SEC16B: variants seen among roughly 807,000 people sequenced by gnomAD.
SEC16B encodes the protein protein transport protein Sec16B.
SEC16B carries 115 observed loss-of-function variants against 141.8 expected under a neutral mutation model. The observed-to-expected ratio is 0.81, with a 90% CI of 0.70 to 0.95. The LOEUF (loss-of-function observed/expected upper bound fraction) is 0.95. Ranked by LOEUF, SEC16B falls within the 40% of genes least tolerant of loss-of-function variation. The pLI, the probability that SEC16B is intolerant of heterozygous loss-of-function variation, is 0.00. For synonymous variants in SEC16B, 493 were observed against 492.5 expected, an observed-to-expected ratio of 1.00 and a Z score of -0.01; for missense variants, 1,291 against 1,312.3, an observed-to-expected ratio of 0.98 and a Z score of 0.25.
intron 17 of SEC16B, 71 bp downstream of exon 17, chr1:177,940,539 T>C (rs1651199826): frequency 1.8e-6 from 2 of 1,089,178 alleles, no homozygotes; most frequent in Non-Finnish European, 1.4e-6. Flanking sequence ...GCCTACCTGT[T>C]CCATGTCTAG....
Position 177,967,694 on chromosome 1 carries a change from C to A in SEC16B, c.288G>T (p.Gln96His). Residue 96 changes from glutamine (Q) to histidine (H), a missense_variant, in exon 2 of 26, where the codon CAG becomes CAT. By Grantham distance (24) the Gln-to-His change is conservative. Around this residue, in one of 3 missense-constraint regions of SEC16B, gnomAD observed 681 missense variants for 675.5 expected, o/e 1.01. Transcript: ENST00000308284. ...CCCTAAAGCCATACCTTGAATACAA[C>A]TGATTGCGATAACCACCTTCGTAAT... ...VDYYEGGYRN[Q>H]LYSRPGYENS... 1 of 1,599,340 alleles carries A rather than the reference C, an allele frequency of 6.3e-7. No homozygotes were observed. The highest frequency in any genetic ancestry group is 1.1e-5 in the South Asian group (1 of 89,242).
intron 15 of SEC16B, among the ~76,000 whole-genome samples, chr1:177,943,969 G>A (rs900472877): frequency 1.3e-5 from 2 of 152,192 alleles, no homozygotes; most frequent in South Asian, 2.1e-4. Context: ...AGGAGGACAC[G>A]ATGTCAGCAC....
At chr1:177,978,973 C>T (rs1211395715) in intron 1 of SEC16B, among the ~76,000 whole-genome samples, 1 of 152,060 alleles carries the variant, frequency 6.6e-6, no homozygotes, top group African/African-American at 2.4e-5. Context: ...TCATTATTTT[C>T]ATTACCCAGT....
In SEC16B at chr1:177,967,734, A is replaced by G. The variant is rs772885542; in HGVS notation, c.248T>C (p.Val83Ala). The change falls in exon 2 of 26, where the codon GTG becomes GCG. Residue 83 changes from valine to alanine, a missense_variant. Around this residue, in one of 3 missense-constraint regions of SEC16B, gnomAD observed 681 missense variants for 675.5 expected, o/e 1.01. Coordinates refer to ENST00000308284, the MANE Select transcript of SEC16B (RefSeq NM_033127.4). The part of the protein sequence containing the change: ...ASRPGDWHQP[V>A]SGVDYYEGGY... ...ACCTTCGTAATAGTCAACTCCAGACACAGGCTGATGCCAGTCCCCTGGCCT... is the reference window on the plus strand; with the variant it reads ...ACCTTCGTAATAGTCAACTCCAGACGCAGGCTGATGCCAGTCCCCTGGCCT... The G allele has an allele frequency of 1.6e-5, 26 of 1,613,166 alleles. No individual in the cohort carries two copies. The highest frequency in any genetic ancestry group is 2.0e-5 in the Non-Finnish European group (24 of 1,179,212).
upstream of SEC16B, among the ~76,000 whole-genome samples, chr1:177,973,625 G>C (rs1003661305): frequency 3.3e-5 from 5 of 152,110 alleles, no homozygotes; most frequent in Non-Finnish European, 7.4e-5. Flanking sequence ...TGCTTTTCTT[G>C]ATAGAGGTTG....
intron 1 of SEC16B, among the ~76,000 whole-genome samples, chr1:177,976,417 T>C (rs1320144341): frequency 6.6e-6 from 1 of 152,072 alleles, no homozygotes; most frequent in Non-Finnish European, 1.5e-5. Flanking sequence ...CTAAGTGAAG[T>C]AGGACTGGAA....
At chr1:177,976,279 C>T (rs1345589795) in intron 1 of SEC16B, among the ~76,000 whole-genome samples, 1 of 152,184 alleles carries the variant, frequency 6.6e-6, no homozygotes, top group Non-Finnish European at 1.5e-5. Flanking sequence ...GGCCCAACCT[C>T]CTCCTCTCTT....
At chr1:177,958,031 G>T in intron 10 of SEC16B, 101 bp downstream of exon 10, 1 of 730,304 alleles carries the variant, frequency 1.4e-6, no homozygotes, top group Non-Finnish European at 1.9e-6. Context: ...CATCCTCCCT[G>T]AAATGAGTAT....
At chr1:177,968,921 C>G (rs983232497) in intron 1 of SEC16B, among the ~76,000 whole-genome samples, 1 of 152,182 alleles carries the variant, frequency 6.6e-6, no homozygotes, top group South Asian at 2.1e-4. Context: ...TTTTCCCCCA[C>G]GTAATCCTGA....
chr1:177,953,023 G>A (rs1237454898), intron 11 of SEC16B, among the ~76,000 whole-genome samples: 1 of 51,542 alleles, frequency 1.9e-5, no homozygotes, highest in Admixed American at 2.0e-4. Context: ...TTTTTTTTTT[G>A]AGACCGAGTT....
At chr1:177,945,988 CAAAGAGGGACTAAACAT>C (rs1651672314) in intron 14 of SEC16B, 1 of 304,886 alleles carries the variant, frequency 3.3e-6, no homozygotes, top group African/African-American at 2.2e-5. Flanking sequence ...GCTAGGGCCC[CAAAGAGGGACTAAACAT>C]AAACTTCTTC....
intron 20 of SEC16B, among the ~76,000 whole-genome samples, chr1:177,935,401 G>A (rs1277895195): frequency 2.0e-5 from 3 of 152,104 alleles, no homozygotes; most frequent in Non-Finnish European, 2.9e-5. Flanking sequence ...ATTTATGAAT[G>A]ACATAGAAAA....
At chr1:177,977,327 CGAAGCAGT>C in intron 1 of SEC16B, among the ~76,000 whole-genome samples, 1 of 152,268 alleles carries the variant, frequency 6.6e-6, no homozygotes, top group African/African-American at 2.4e-5. Flanking sequence ...TCCCTGCAGG[CGAAGCAGT>C]GTCTAAGCCA....
At chr1:177,960,042 C>A in intron 8 of SEC16B, 1 of 375,364 alleles carries the variant, frequency 2.7e-6, no homozygotes, top group South Asian at 4.5e-5. Context: ...TTTCTACTAA[C>A]ATCTATCAAG....
At chr1:177,943,413 A>G (rs1006189908) in intron 15 of SEC16B, among the ~76,000 whole-genome samples, 2 of 152,230 alleles carry the variant, frequency 1.3e-5, no homozygotes, top group African/African-American at 4.8e-5. Context: ...CATTCAGCAC[A>G]TGCATCCCAG....
At position 177,947,915 on chromosome 1, in the gene SEC16B, A is replaced by C. The variant is rs1424032248; in HGVS notation, c.1573T>G (p.Trp525Gly). Residue 525 changes from tryptophan to glycine, a missense_variant, in exon 13 of 26, where the codon TGG (tryptophan) becomes GGG (glycine). Trp to Gly is a radical substitution (Grantham distance 184, BLOSUM62 -2). This residue lies in a region of SEC16B where 681 missense variants were observed against 675.5 expected (regional missense o/e 1.01). Transcript: ENST00000308284. Reference protein sequence around the residue: ...TCCGEKQWGDWRPHLAVILSN... With the variant: ...TCCGEKQWGDGRPHLAVILSN... ...AGAATCACAGCCAAGTGAGGCCTCCAGTCTCCCCACTGCTTTTCTCCACAA... is the reference window on the plus strand; with the variant it reads ...AGAATCACAGCCAAGTGAGGCCTCCCGTCTCCCCACTGCTTTTCTCCACAA... 1 of 1,557,348 alleles carries C rather than the reference A, an allele frequency of 6.4e-7. No homozygotes were observed. Among genetic ancestry groups the C allele is most frequent in the Non-Finnish European group, 8.7e-7 (1 of 1,150,272 alleles).
At chr1:177,931,262 G>A (rs1295716866) in intron 24 of SEC16B, among the ~76,000 whole-genome samples, 1 of 152,164 alleles carries the variant, frequency 6.6e-6, no homozygotes, top group Non-Finnish European at 1.5e-5. Flanking sequence ...ACAAAATAAT[G>A]TCTTTTGCAG....
chr1:177,984,077 G>T (rs1453289809), intron 1 of SEC16B: 1 of 152,100 alleles, frequency 6.6e-6, no homozygotes, highest in African/African-American at 2.4e-5. Flanking sequence ...TTTTTGTTCT[G>T]GTTGAGACCA....
intron 2 of SEC16B, among the ~76,000 whole-genome samples, 157 bp downstream of exon 2, chr1:177,967,526 T>C (rs1653629004): frequency 1.3e-5 from 2 of 151,498 alleles, no homozygotes; most frequent in Admixed American, 1.3e-4. Flanking sequence ...AAAAACAAAT[T>C]TGGGAGAGGA....
Sources: allele counts gnomAD v4.1 joint callset (sites outside exome capture counted in the v4.1 genomes callset), GRCh38; gene constraint gnomAD v4.1.1; regional missense constraint gnomAD v4.1.1; transcripts MANE v1.5; gene names NCBI Gene and HGNC (gene_info 2026-07-23, HGNC 2026-07-21).